The following PHF24 variants were observed in gnomAD, a reference collection of about 807,000 sequenced individuals.
PHF24 encodes the protein PHD finger protein 24.
A neutral mutation model predicts 42.6 loss-of-function variants in PHF24; 25 were observed. That is an observed-to-expected ratio of 0.59 (90% CI 0.43 to 0.82). PHF24 has a LOEUF of 0.82. Among genes scored for constraint, PHF24 ranks in the 40% least tolerant of loss-of-function variants. PHF24 has a pLI of 0.00. For missense variants in PHF24, 470 were observed against 538.1 expected (o/e 0.87, Z 1.25); for synonymous variants, 185 against 204.8 (o/e 0.90, Z 0.83).
At chr9:34,869,077 C>T in the PHF24 span, among the ~76,000 whole-genome samples, 2 of 152,214 alleles carry the variant, frequency 1.3e-5, no homozygotes, top group East Asian at 3.8e-4. Context: ...CTGCCAAGGA[C>T]ATAATCTCAT....
At chr9:34,805,705 T>C in the PHF24 span, among the ~76,000 whole-genome samples, 1 of 152,208 alleles carries the variant, frequency 6.6e-6, no homozygotes, top group Non-Finnish European at 1.5e-5. Context: ...AGTTTTTATT[T>C]AATTTCAATA....
the PHF24 span, among the ~76,000 whole-genome samples, chr9:34,936,482 G>A: frequency 1.8e-4 from 27 of 151,732 alleles, no homozygotes; most frequent in Non-Finnish European, 3.4e-4. Context: ...GCCTCTGCCC[G>A]GCCGCCACCC....
At chr9:34,976,176 G>A (rs1827176519) in exon 4 of PHF24, 2 of 1,614,082 alleles carry the variant, frequency 1.2e-6, no homozygotes, top group Non-Finnish European at 1.7e-6. Flanking sequence ...GCTGCTTACT[G>A]AGGAGGAAAT....
At chr9:34,970,062 T>C (rs77619297) in intron 1 of PHF24, among the ~76,000 whole-genome samples, 295 of 152,338 alleles carry the variant, frequency 1.9e-3, no homozygotes, top group African/African-American at 6.5e-3. Flanking sequence ...GATGAGCAGT[T>C]AGTGCCTTGC....
upstream of PHF24, among the ~76,000 whole-genome samples, chr9:34,957,875 C>T (rs1479036280): frequency 6.6e-6 from 1 of 152,000 alleles, no homozygotes. Context: ...GCGGCCCCAG[C>T]GCCCCCAAGG....
chr9:34,939,844 A>G, the PHF24 span, among the ~76,000 whole-genome samples: 27 of 152,234 alleles, frequency 1.8e-4, no homozygotes, highest in Admixed American at 1.5e-3. Context: ...GAACATCACT[A>G]CTGTTGATAT....
chr9:34,796,891 T>C, the PHF24 span, among the ~76,000 whole-genome samples: 2 of 152,232 alleles, frequency 1.3e-5, no homozygotes, highest in African/African-American at 4.8e-5. Flanking sequence ...GCTCCATTCA[T>C]GTTTGCCAAA....
At chr9:34,693,131 T>C in the PHF24 span, among the ~76,000 whole-genome samples, 1 of 152,200 alleles carries the variant, frequency 6.6e-6, no homozygotes, top group African/African-American at 2.4e-5. Context: ...ATCTGTTCAT[T>C]AATTCATCCA....
the PHF24 span, among the ~76,000 whole-genome samples, chr9:34,702,465 A>G: frequency 1.3e-5 from 2 of 152,222 alleles, no homozygotes; most frequent in African/African-American, 4.8e-5. Context: ...ACAACCCATG[A>G]TTCTAAAGCA....
the PHF24 span, among the ~76,000 whole-genome samples, chr9:34,903,920 T>C: frequency 6.6e-6 from 1 of 152,246 alleles, no homozygotes; most frequent in Non-Finnish European, 1.5e-5. Flanking sequence ...TCCTAAGTAT[T>C]TTATTTTTAT....
chr9:34,708,982 CATAA>C, the PHF24 span: 1 of 204,196 alleles, frequency 4.9e-6, no homozygotes, highest in Admixed American at 5.8e-5. Context: ...TCTCGGTGGA[CATAA>C]ACACATGGGA....
At chr9:34,729,670 T>C in the PHF24 span, among the ~76,000 whole-genome samples, 1 of 152,192 alleles carries the variant, frequency 6.6e-6, no homozygotes, top group Admixed American at 6.5e-5. Flanking sequence ...CCACAAGCAG[T>C]GTCTATTTCC....
chr9:34,889,947 A>G, the PHF24 span, among the ~76,000 whole-genome samples: 3 of 152,116 alleles, frequency 2.0e-5, no homozygotes, highest in African/African-American at 4.8e-5. Flanking sequence ...CAGCTTTGCA[A>G]ATTATTCTTA....
At chr9:34,851,462 G>A in the PHF24 span, among the ~76,000 whole-genome samples, 2 of 152,188 alleles carry the variant, frequency 1.3e-5, no homozygotes, top group East Asian at 1.9e-4. Flanking sequence ...GAAAAGTGCA[G>A]TATTGGGGTG....
the PHF24 span, among the ~76,000 whole-genome samples, chr9:34,842,998 CTG>C: frequency 6.6e-6 from 1 of 152,142 alleles, no homozygotes; most frequent in Non-Finnish European, 1.5e-5. Context: ...TTCATGCACT[CTG>C]TGTCATCCAT....
At chr9:34,949,784 G>A in the PHF24 span, among the ~76,000 whole-genome samples, 6 of 151,918 alleles carry the variant, frequency 3.9e-5, no homozygotes, top group African/African-American at 1.5e-4. Context: ...TCACTCATAA[G>A]TGGGAGCTGA....
the PHF24 span, among the ~76,000 whole-genome samples, chr9:34,718,767 T>C: frequency 6.6e-6 from 1 of 152,228 alleles, no homozygotes; most frequent in Non-Finnish European, 1.5e-5. Context: ...GAAGCAGCCA[T>C]GGTCCCTGCC....
the PHF24 span, among the ~76,000 whole-genome samples, chr9:34,718,875 T>C: frequency 5.9e-5 from 9 of 152,304 alleles, no homozygotes; most frequent in East Asian, 1.9e-4. Context: ...CAGCCAATTC[T>C]GAAGTGCCCT....
the PHF24 span, among the ~76,000 whole-genome samples, chr9:34,874,912 ATG>A: frequency 2.0e-5 from 3 of 152,190 alleles, no homozygotes; most frequent in Non-Finnish European, 4.4e-5. Flanking sequence ...GTCATGGAGA[ATG>A]GGGCATCTGT....
Sources: allele counts gnomAD v4.1 joint callset (sites outside exome capture counted in the v4.1 genomes callset), GRCh38; gene constraint gnomAD v4.1.1; transcripts MANE v1.5; gene names NCBI Gene and HGNC (gene_info 2026-07-23, HGNC 2026-07-21).